The following TSC22D1 variants were observed in gnomAD, a reference collection of about 807,000 sequenced individuals.
The protein encoded by TSC22D1 is TSC22 domain family member 1, also known as TSC22 domain family protein 1.
Under a neutral mutation model 74.2 loss-of-function variants are expected in TSC22D1, and 9 were observed. The observed-to-expected ratio is 0.12, with a 90% CI of 0.07 to 0.21. TSC22D1 has a LOEUF of 0.21. Ranked by LOEUF, TSC22D1 falls within the 10% of genes least tolerant of loss-of-function variation. TSC22D1 has a pLI of 1.00. For synonymous variants in TSC22D1, 586 were observed against 492.5 expected, an observed-to-expected ratio of 1.19 and a Z score of -2.51; for missense variants, 1,427 against 1,304.7, an observed-to-expected ratio of 1.09 and a Z score of -1.44.
rs151238821 is a variant in TSC22D1, at chr13:44,513,955, C to T, written c.2912+59208G>A. Among the ~76,000 whole-genome samples, 636 of 152,272 alleles carry T rather than the reference C, an allele frequency of 4.2e-3. 8 individuals are homozygous for T. The highest frequency in any genetic ancestry group is 6.7e-3 in the Non-Finnish European group (456 of 68,008). ...CTCAAACCATGTAGTAGAAAAGTTGCTAAAAGTTCCTTTCAACTTGCAGGT... is the reference window on the plus strand; with the variant it reads ...CTCAAACCATGTAGTAGAAAAGTTGTTAAAAGTTCCTTTCAACTTGCAGGT... On this transcript the variant is annotated intron_variant, in intron 1 of 2. Transcript: ENST00000458659.
chr13:44,436,667 G>A, intron 1 of TSC22D1: 1 of 1,598,042 alleles, frequency 6.3e-7, no homozygotes, highest in Non-Finnish European at 8.5e-7. Context: ...AAAAAAAGAG[G>A]GAACACCAGC....
At chr13:44,554,630 CAAAAAAAAAAAAAA>C (rs59922380) in intron 1 of TSC22D1, among the ~76,000 whole-genome samples, 4 of 68,616 alleles carry the variant, frequency 5.8e-5, no homozygotes, top group Admixed American at 1.7e-4. Flanking sequence ...ATACCAGGAA[CAAAAAAAAAAAAAA>C]AAAAAAAAAA....
At chr13:44,537,162 C>T (rs1881197658) in intron 1 of TSC22D1, 1 of 878,648 alleles carries the variant, frequency 1.1e-6, no homozygotes, top group African/African-American at 1.8e-5. Context: ...AGATATTACA[C>T]AATTAGTCAT....
At chr13:44,498,099 CCA>C (rs1879055218) in intron 1 of TSC22D1, among the ~76,000 whole-genome samples, 2 of 146,786 alleles carry the variant, frequency 1.4e-5, no homozygotes, top group Admixed American at 6.8e-5. Flanking sequence ...AAAAAAAAAA[CCA>C]AAAAAAAAAA....
At chr13:44,556,918 C>A (rs1040717957) in intron 1 of TSC22D1, among the ~76,000 whole-genome samples, 10 of 151,662 alleles carry the variant, frequency 6.6e-5, no homozygotes, top group Admixed American at 5.9e-4. Flanking sequence ...CCGAGGCGGG[C>A]GGATCACCTG....
chr13:44,568,961 G>A lies in TSC22D1; in HGVS notation c.2912+4202C>T, dbSNP rs369385013. 2.0e-5 allele frequency among the ~76,000 whole-genome samples: 3 copies of A among 152,278 alleles called. 1 individual carries two copies. Among genetic ancestry groups the A allele is most frequent in the East Asian group, 1.9e-4 (1 of 5,184 alleles). ...AATAATCAATATTGATAACTACTGG[G>A]AGGAAGGGTACTGGGAAAAAAGGAG... On this transcript the variant is annotated intron_variant, in intron 1 of 2. Coordinates refer to ENST00000458659, the MANE Select transcript of TSC22D1 (RefSeq NM_183422.4).
chr13:44,514,792 G>A (rs1292844240), intron 1 of TSC22D1, among the ~76,000 whole-genome samples: 5 of 152,056 alleles, frequency 3.3e-5, no homozygotes, highest in Admixed American at 6.6e-5. Flanking sequence ...CCCAGGAGAC[G>A]GAGGTTGCAG....
intron 1 of TSC22D1, among the ~76,000 whole-genome samples, chr13:44,460,678 G>C (rs9533862): frequency 0.099 from 15,079 of 152,156 alleles, 779 homozygotes; most frequent in Non-Finnish European, 0.11. Flanking sequence ...CGCTTCTAGT[G>C]TTCTCTTCCC....
chr13:44,523,789 G>A (rs1250333742), intron 1 of TSC22D1, among the ~76,000 whole-genome samples: 1 of 152,200 alleles, frequency 6.6e-6, no homozygotes, highest in Non-Finnish European at 1.5e-5. Context: ...TAATGAAAGT[G>A]AACAGAGATT....
intron 1 of TSC22D1, among the ~76,000 whole-genome samples, chr13:44,488,210 C>T (rs1237688352): frequency 1.3e-5 from 2 of 152,190 alleles, no homozygotes; most frequent in Non-Finnish European, 2.9e-5. Flanking sequence ...TAACTGAAGT[C>T]CTGCATTGTC....
chr13:44,517,477 C>G (rs1880051359), intron 1 of TSC22D1, among the ~76,000 whole-genome samples: 1 of 151,700 alleles, frequency 6.6e-6, no homozygotes, highest in South Asian at 2.1e-4. Flanking sequence ...TCAATAACAA[C>G]AGAATTGTTA....
chr13:44,497,547 C>A (rs1879031610), intron 1 of TSC22D1, among the ~76,000 whole-genome samples: 1 of 152,134 alleles, frequency 6.6e-6, no homozygotes, highest in Non-Finnish European at 1.5e-5. Flanking sequence ...AATGTCACCT[C>A]AATTTAAAAA....
intron 1 of TSC22D1, among the ~76,000 whole-genome samples, chr13:44,460,760 A>G (rs769796723): frequency 3.3e-5 from 5 of 152,234 alleles, no homozygotes; most frequent in Non-Finnish European, 5.9e-5. Flanking sequence ...AAGAGGAGAT[A>G]GTCTTTCTTT....
At chr13:44,526,995 A>G (rs1285130152) in intron 1 of TSC22D1, among the ~76,000 whole-genome samples, 2 of 152,242 alleles carry the variant, frequency 1.3e-5, no homozygotes, top group African/African-American at 2.4e-5. Flanking sequence ...TAAGAATTAC[A>G]TCAGACATTT....
In TSC22D1 at chr13:44,573,437, T is replaced by C. The variant is rs746222224; in HGVS notation, c.2638A>G (p.Thr880Ala). ...QSVSQPPLIA[T>A]NTNLPLAQQI... ...TGTGCCAAAGGCAAATTTGTATTAGTTGCTATCAAGGGAGGTTGACTAACA... is the reference window on the plus strand; with the variant it reads ...TGTGCCAAAGGCAAATTTGTATTAGCTGCTATCAAGGGAGGTTGACTAACA... The change falls in exon 1 of 3, where the codon ACT (threonine) becomes GCT (alanine). Residue 880 changes from threonine to alanine, a missense_variant. This residue lies in a region of TSC22D1 where 1,343 missense variants were observed against 1,191.5 expected (regional missense o/e 1.13). Transcript: ENST00000458659. The C allele has an allele frequency of 4.3e-6, 7 of 1,614,238 alleles. No individual in the cohort carries two copies. Among genetic ancestry groups the C allele is most frequent in the South Asian group, 2.2e-5 (2 of 91,086 alleles).
In TSC22D1 at chr13:44,517,845, ATATATATATATAT is replaced by A. The variant is rs1205257649; in HGVS notation, c.2912+55305_2912+55317del. The stretch of plus-strand genomic sequence containing the variant: ...TGTGTGTGTGTATATATATATATAT[ATATATATATATAT>A]TTTTTTTTTTTTTTTTTTTTTAACA... On this transcript the variant is annotated intron_variant, in intron 1 of 2. Transcript: ENST00000458659. Among the ~76,000 whole-genome samples, 34 of 23,080 alleles carry A rather than the reference ATATATATATATAT, an allele frequency of 1.5e-3. 1 individual carries two copies. The highest frequency in any genetic ancestry group is 4.1e-3 in the Non-Finnish European group (26 of 6,328). The allele number at this position is 23,080 out of a possible 152,430, so 15.1% of individuals were successfully genotyped here. A position where few individuals can be genotyped will look rare whatever the true frequency, so the allele number is the denominator to read the frequency against.
At chr13:44,538,425 A>G in intron 1 of TSC22D1, 1 of 985,408 alleles carries the variant, frequency 1.0e-6, no homozygotes, top group Non-Finnish European at 1.2e-6. Context: ...AGGCAACAAA[A>G]AAAACCATTT....
At chr13:44,500,147 G>A (rs955841325) in intron 1 of TSC22D1, among the ~76,000 whole-genome samples, 4 of 150,634 alleles carry the variant, frequency 2.7e-5, no homozygotes, top group Admixed American at 6.6e-5. Flanking sequence ...GCTAACTTAC[G>A]GCCCATTTTT....
rs140670485 is a variant in TSC22D1, at chr13:44,438,093, G to A, written c.2913-1998C>T. ...TTAATATACTAGAAATCTAAGCCCT[G>A]AAGTTTGCTAAATTATAATACAACA... On this transcript the variant is annotated intron_variant, in intron 1 of 2. Coordinates refer to ENST00000458659, the MANE Select transcript of TSC22D1 (RefSeq NM_183422.4). Among the ~76,000 whole-genome samples the A allele has an allele frequency of 8.8e-4, 134 of 152,280 alleles. 1 individual carries two copies. Among genetic ancestry groups the A allele is most frequent in the African/African-American group, 3.1e-3 (128 of 41,534 alleles).
Sources: gnomAD v4.1 joint callset for allele counts (sites outside exome capture counted in the v4.1 genomes callset) on GRCh38, gnomAD v4.1.1 for gene constraint, gnomAD v4.1.1 regional missense constraint, MANE v1.5 for transcripts, NCBI Gene and HGNC (gene_info 2026-07-23, HGNC 2026-07-21) for gene names.